The following TRIO variants were observed in gnomAD, a reference collection of about 807,000 sequenced individuals.
TRIO encodes triple functional domain protein.
TRIO carries 58 observed loss-of-function variants against 351.9 expected under a neutral mutation model. The ratio of observed to expected loss-of-function variants is 0.16; its 90% CI spans 0.13 to 0.21. The LOEUF (loss-of-function observed/expected upper bound fraction) is 0.21, where lower values mean the gene tolerates loss of function less well. Among genes scored for constraint, TRIO ranks in the 10% least tolerant of loss-of-function variants. TRIO has a pLI of 1.00. For synonymous variants in TRIO, 1,758 were observed against 1,595.7 expected, an observed-to-expected ratio of 1.10 and a Z score of -2.42; for missense variants, 3,201 against 4,027.8, an observed-to-expected ratio of 0.79 and a Z score of 5.56.
intron 11 of TRIO, among the ~76,000 whole-genome samples, chr5:14,356,723 T>A (rs1318153509): frequency 6.6e-6 from 1 of 152,188 alleles, no homozygotes; most frequent in Admixed American, 6.5e-5. Flanking sequence ...ATAACCGAGA[T>A]GCCCACCAGC....
At position 14,365,226 on chromosome 5, in the gene TRIO, A is replaced by G. The variant is rs577882449; in HGVS notation, c.2754+410A>G. Among the ~76,000 whole-genome samples, 15 of 152,340 alleles carry G rather than the reference A, an allele frequency of 9.8e-5. No individual in the cohort carries two copies. The South Asian group carries it at 2.1e-3, about 21-fold the overall frequency. On this transcript the variant is annotated intron_variant, in intron 15 of 56. Coordinates refer to ENST00000344204, the MANE Select transcript of TRIO (RefSeq NM_007118.4). The stretch of plus-strand genomic sequence containing the variant: ...GGGGCATTTCTTTTGTTATCAGGAT[A>G]CTGTAATACCACATCCTGATGGCAT...
rs1262558633 is a variant in TRIO, at chr5:14,462,884, C to T, written c.5626C>T (p.Gln1876Ter). Residue 1876 changes from glutamine (Q) to a stop codon, truncating the protein, a stop_gained, in exon 36 of 57, where the codon CAG becomes TAG. Transcript: ENST00000344204. LOFTEE classifies it high-confidence loss of function. ...GCCCCTGCCGCCACCCATGGCCATC[C>T]AGCAGCACAGCCTCCTCCAGCCAGA... ...AVPLPPPMAI[Q>*]QHSLLQPDSQ... The T allele has an allele frequency of 6.2e-7, 1 of 1,610,040 alleles. No individual in the cohort carries two copies. The highest frequency in any genetic ancestry group is 8.5e-7 in the Non-Finnish European group (1 of 1,178,070).
At chr5:14,272,225 A>G (rs925353277) in intron 2 of TRIO, among the ~76,000 whole-genome samples, 1 of 152,250 alleles carries the variant, frequency 6.6e-6, no homozygotes, top group Non-Finnish European at 1.5e-5. Flanking sequence ...AATTAGAGGT[A>G]TCTGTAAGGA....
intron 20 of TRIO, among the ~76,000 whole-genome samples, chr5:14,380,214 C>G (rs962200038): frequency 1.3e-5 from 2 of 152,210 alleles, no homozygotes. Context: ...TCTTGTCTTA[C>G]GTGTTGTTAG....
At chr5:14,146,479 C>T (rs1376170536) in intron 1 of TRIO, among the ~76,000 whole-genome samples, 2 of 152,082 alleles carry the variant, frequency 1.3e-5, no homozygotes, top group Non-Finnish European at 2.9e-5. Flanking sequence ...TCTTGTTGCC[C>T]GCATTCGGCT....
At chr5:14,505,282 G>A (rs753123985) in intron 55 of TRIO, among the ~76,000 whole-genome samples, 9 of 152,240 alleles carry the variant, frequency 5.9e-5, no homozygotes, top group Non-Finnish European at 5.9e-5. Context: ...GGGAGCGGCC[G>A]GAGGCCAGGG....
At chr5:14,147,434 C>G (rs984152104) in intron 1 of TRIO, among the ~76,000 whole-genome samples, 1 of 152,188 alleles carries the variant, frequency 6.6e-6, no homozygotes, top group African/African-American at 2.4e-5. Context: ...TCAGAGCTCC[C>G]TATTTAACCT....
intron 1 of TRIO, among the ~76,000 whole-genome samples, chr5:14,199,882 G>C (rs929128639): frequency 3.3e-5 from 5 of 152,204 alleles, no homozygotes; most frequent in African/African-American, 1.2e-4. Flanking sequence ...GGGGAGGAGA[G>C]GTCAGGGCCA....
intron 18 of TRIO, among the ~76,000 whole-genome samples, chr5:14,373,026 G>T (rs551754221): frequency 6.6e-6 from 1 of 152,174 alleles, no homozygotes; most frequent in Non-Finnish European, 1.5e-5. Flanking sequence ...TTCACATGGC[G>T]CGGGAAGTAG....
Position 14,287,057 on chromosome 5 carries a change from A to G in TRIO, c.534A>G (p.Glu178=). 2 of 1,613,990 alleles carry G rather than the reference A, an allele frequency of 1.2e-6. No individual in the cohort carries two copies. The highest frequency in any genetic ancestry group is 1.7e-6 in the Non-Finnish European group (2 of 1,179,896). The part of the protein sequence containing the change: ...QRTNFGSSKF[E]FETNMVSLEG... ...CTAATTTTGGCAGTTCTAAATTTGAATTTGAGGTAACTTCCCCCGTGTGGC... is the reference window on the plus strand; with the variant it reads ...CTAATTTTGGCAGTTCTAAATTTGAGTTTGAGGTAACTTCCCCCGTGTGGC... The change falls in exon 4 of 57, where the codon GAA becomes GAG. Residue 178 remains glutamate, a synonymous_variant. Transcript: ENST00000344204.
chr5:14,220,512 G>A (rs536934886), intron 1 of TRIO, among the ~76,000 whole-genome samples: 2 of 152,320 alleles, frequency 1.3e-5, no homozygotes, highest in Admixed American at 6.5e-5. Flanking sequence ...AGTGAAGAAG[G>A]CATGTTGAAA....
At chr5:14,269,893 TC>T (rs1284824123) in intron 1 of TRIO, among the ~76,000 whole-genome samples, 1 of 152,226 alleles carries the variant, frequency 6.6e-6, no homozygotes, top group Non-Finnish European at 1.5e-5. Context: ...TTTTGTTTTT[TC>T]CTAGAGATTG....
intron 1 of TRIO, among the ~76,000 whole-genome samples, chr5:14,146,993 G>T (rs1787558703): frequency 6.6e-6 from 1 of 152,182 alleles, no homozygotes; most frequent in South Asian, 2.1e-4. Flanking sequence ...AGGCCAATTA[G>T]TGTTCAAGTG....
At chr5:14,254,190 CT>C (rs1177800389) in intron 1 of TRIO, among the ~76,000 whole-genome samples, 7 of 151,738 alleles carry the variant, frequency 4.6e-5, no homozygotes, top group Admixed American at 2.6e-4. Context: ...TTCTCCCCCC[CT>C]CCCCCCGCCT....
chr5:14,487,357 CG>C, intron 47 of TRIO, 106 bp from the exon 48 acceptor site: 1 of 1,058,896 alleles, frequency 9.4e-7, no homozygotes, highest in Non-Finnish European at 1.2e-6. Flanking sequence ...CGCCCCTGCA[CG>C]GGGTCTGCCC....
intron 1 of TRIO, among the ~76,000 whole-genome samples, chr5:14,222,600 G>A (rs942057669): frequency 6.6e-6 from 1 of 152,190 alleles, no homozygotes; most frequent in African/African-American, 2.4e-5. Flanking sequence ...GCCCCTTCCA[G>A]ACCTCTTTTC....
At chr5:14,471,976 TATCCCAGCACCTCC>T (rs1421675391) in intron 38 of TRIO, among the ~76,000 whole-genome samples, 1 of 151,926 alleles carries the variant, frequency 6.6e-6, no homozygotes, top group Non-Finnish European at 1.5e-5. Flanking sequence ...TTCAGCACTG[TATCCCAGCACCTCC>T]GATGGTGTTG....
At chr5:14,498,020 G>C in intron 51 of TRIO, 69 bp from the exon 52 acceptor site, 1 of 1,611,696 alleles carries the variant, frequency 6.2e-7, no homozygotes, top group Non-Finnish European at 8.5e-7. Flanking sequence ...CAATCTGTCG[G>C]GGACATGTGG....
intron 8 of TRIO, among the ~76,000 whole-genome samples, chr5:14,311,326 A>C (rs1278687890): frequency 6.6e-6 from 1 of 152,236 alleles, no homozygotes; most frequent in African/African-American, 2.4e-5. Flanking sequence ...AAACCAAGGT[A>C]AACTGATCTG....
Sources: allele counts gnomAD v4.1 joint callset (sites outside exome capture counted in the v4.1 genomes callset), GRCh38; gene constraint gnomAD v4.1.1; transcripts MANE v1.5; gene names NCBI Gene and HGNC (gene_info 2026-07-23, HGNC 2026-07-21).